CATSPERD: variants seen among roughly 807,000 people sequenced by gnomAD.
CATSPERD encodes the protein catsper channel auxiliary subunit delta.
A neutral mutation model predicts 98.1 loss-of-function variants in CATSPERD; 86 were observed. That is an observed-to-expected ratio of 0.88 (90% confidence interval 0.74 to 1.05). The LOEUF is 1.05. Ranked by LOEUF, CATSPERD falls within the 50% of genes least tolerant of loss-of-function variation. The pLI, the probability that CATSPERD is intolerant of heterozygous loss-of-function variation, is 0.00. For missense variants in CATSPERD, 995 were observed against 1,005.7 expected, an observed-to-expected ratio of 0.99 and a Z score of 0.14; for synonymous variants, 394 against 390.2, an observed-to-expected ratio of 1.01 and a Z score of -0.12.
chr19:5,768,891 C>A (rs1330227228), intron 18 of CATSPERD, among the ~76,000 whole-genome samples: 1 of 152,046 alleles, frequency 6.6e-6, no homozygotes, highest in Non-Finnish European at 1.5e-5. Context: ...TATGGCCGGG[C>A]CCGGTGGCTC....
intron 20 of CATSPERD, among the ~76,000 whole-genome samples, chr19:5,773,772 C>T (rs1253801051): frequency 6.7e-6 from 1 of 150,196 alleles, no homozygotes; most frequent in African/African-American, 2.4e-5. Flanking sequence ...TGAAGCGATC[C>T]TCCCATGGAT....
chr19:5,734,933 C>T (rs879481380), intron 5 of CATSPERD, among the ~76,000 whole-genome samples: 6 of 152,020 alleles, frequency 3.9e-5, no homozygotes, highest in Non-Finnish European at 7.3e-5. Context: ...GTCCCTCCCA[C>T]ACACTTCTCA....
intron 13 of CATSPERD, 147 bp downstream of exon 13, chr19:5,754,392 T>TA: frequency 2.8e-5 from 12 of 429,424 alleles, no homozygotes; most frequent in East Asian, 8.0e-5. Flanking sequence ...TGTCTCTGTG[T>TA]CTTTTTTTTT....
At chr19:5,751,929 G>A in intron 12 of CATSPERD, 106 bp downstream of exon 12, 2 of 1,067,824 alleles carry the variant, frequency 1.9e-6, no homozygotes, top group Non-Finnish European at 2.6e-6. Flanking sequence ...TCAGGAGGCT[G>A]AGGCTGGAGG....
chr19:5,736,981 C>G (rs769052963), intron 5 of CATSPERD, among the ~76,000 whole-genome samples, 157 bp from the exon 6 acceptor site: 1 of 151,508 alleles, frequency 6.6e-6, no homozygotes, highest in Non-Finnish European at 1.5e-5. Context: ...GGCATGAACC[C>G]GGGAGGTGGA....
intron 3 of CATSPERD, among the ~76,000 whole-genome samples, chr19:5,728,038 C>A (rs367691069): frequency 1.4e-3 from 186 of 128,332 alleles, no homozygotes; most frequent in South Asian, 2.0e-3. Context: ...CCAGTATCTA[C>A]AAAAAAAAAA....
intron 1 of CATSPERD, among the ~76,000 whole-genome samples, chr19:5,723,890 C>A (rs2055552153): frequency 6.6e-6 from 1 of 151,978 alleles, no homozygotes; most frequent in Admixed American, 6.6e-5. Context: ...GATTCTCCTG[C>A]CTCAGCCTCC....
chr19:5,768,402 T>C (rs963770163), intron 18 of CATSPERD, among the ~76,000 whole-genome samples, 160 bp downstream of exon 18: 1 of 151,942 alleles, frequency 6.6e-6, no homozygotes, highest in Non-Finnish European at 1.5e-5. Flanking sequence ...AGTGGCGCGA[T>C]CTCGGCTCAC....
intron 13 of CATSPERD, among the ~76,000 whole-genome samples, chr19:5,755,773 C>CAATAAATA (rs34152865): frequency 2.0e-4 from 30 of 149,052 alleles, no homozygotes; most frequent in East Asian, 7.9e-4. Flanking sequence ...GACTCTGTCT[C>CAATAAATA]AATAAATAAA....
Position 5,753,570 on chromosome 19 carries a change from A to G in CATSPERD, c.1165-562A>G, listed in dbSNP as rs1214549079. 8 of 418,378 alleles carry G rather than the reference A, an allele frequency of 1.9e-5. No individual in the cohort carries two copies. The Admixed American group carries it at 2.2e-4, about 12-fold the overall frequency. The allele number at this position is 418,378 out of a possible 1,614,324, so 25.9% of individuals were successfully genotyped here. On this transcript the variant is annotated intron_variant, in intron 12 of 21. Coordinates refer to ENST00000381624, the MANE Select transcript of CATSPERD (RefSeq NM_152784.4). ...GAGCCAGACTCTGTCTCAAAAAAAA[A>G]AAAAGAAACAGAAAGAGGTCAGGCG...
rs10603074 is a variant in CATSPERD, at chr19:5,747,610, C to CT, written c.809-530dup. 3.5e-3 allele frequency among the ~76,000 whole-genome samples: 309 copies of CT among 87,614 alleles called. 5 individuals are homozygous for CT. The highest frequency in any genetic ancestry group is 5.2e-3 in the South Asian group (14 of 2,712). 57.5% of individuals were successfully genotyped at this position (87,614 alleles called of 152,430 possible). A position where few individuals can be genotyped will look rare whatever the true frequency, so the allele number is the denominator to read the frequency against. The stretch of plus-strand genomic sequence containing the variant: ...GGGATCTGGTTTTCTTTTTTCTTTT[C>CT]TTTTTTTTTTTTTTTTTTTTGAGAT... On this transcript the variant is annotated intron_variant, in intron 9 of 21. Transcript: ENST00000381624.
At chr19:5,745,512 T>C (rs575714168) in intron 8 of CATSPERD, among the ~76,000 whole-genome samples, 1 of 151,938 alleles carries the variant, frequency 6.6e-6, no homozygotes, top group South Asian at 2.1e-4. Flanking sequence ...TCACAGCTAC[T>C]TGGGAGGCTG....
chr19:5,756,476 A>G (rs2056326099), intron 13 of CATSPERD, among the ~76,000 whole-genome samples: 1 of 152,118 alleles, frequency 6.6e-6, no homozygotes, highest in African/African-American at 2.4e-5. Context: ...ATTCATCCAC[A>G]TGTATTATCT....
intron 16 of CATSPERD, among the ~76,000 whole-genome samples, chr19:5,765,752 C>T (rs2056526761): frequency 1.3e-5 from 2 of 152,040 alleles, no homozygotes; most frequent in South Asian, 4.1e-4. Context: ...GAGGATGTTG[C>T]AGTGAGCTGA....
At chr19:5,730,299 C>T (rs532331989) in intron 4 of CATSPERD, among the ~76,000 whole-genome samples, 1 of 152,168 alleles carries the variant, frequency 6.6e-6, no homozygotes, top group East Asian at 1.9e-4. Flanking sequence ...AATCCCAGCA[C>T]TTTGGGAGGC....
intron 7 of CATSPERD, among the ~76,000 whole-genome samples, chr19:5,741,631 T>C (rs970998836): frequency 1.3e-5 from 2 of 151,946 alleles, no homozygotes; most frequent in African/African-American, 2.4e-5. Context: ...ATTCAAACCA[T>C]AGCAGGAAAC....
chr19:5,753,211 G>C (rs748203609), intron 12 of CATSPERD, among the ~76,000 whole-genome samples: 1 of 151,870 alleles, frequency 6.6e-6, no homozygotes, highest in Admixed American at 6.6e-5. Flanking sequence ...GTTGGGAAAC[G>C]GGCAAGACTG....
chr19:5,736,864 T>C (rs577823096), intron 5 of CATSPERD, among the ~76,000 whole-genome samples: 6 of 151,940 alleles, frequency 3.9e-5, no homozygotes, highest in Admixed American at 1.3e-4. Context: ...GAAACCATCC[T>C]GGCTAACACA....
chr19:5,745,444 C>T (rs1309172993), intron 8 of CATSPERD, among the ~76,000 whole-genome samples: 1 of 151,908 alleles, frequency 6.6e-6, no homozygotes, highest in Non-Finnish European at 1.5e-5. Flanking sequence ...GATGGTGAAA[C>T]CCCGTCTCTG....
Sources: allele counts gnomAD v4.1 joint callset (sites outside exome capture counted in the v4.1 genomes callset), GRCh38; gene constraint gnomAD v4.1.1; transcripts MANE v1.5; gene names NCBI Gene and HGNC (gene_info 2026-07-23, HGNC 2026-07-21).